The following CDK6 variants were observed in gnomAD, a reference collection of about 807,000 sequenced individuals.
CDK6 encodes the protein cyclin-dependent kinase 6.
CDK6 carries 6 observed loss-of-function variants against 37.1 expected under a neutral mutation model. That is an observed-to-expected ratio of 0.16 (90% CI 0.09 to 0.32). CDK6 has a LOEUF of 0.32. Ranked by LOEUF, CDK6 falls within the 10% of genes least tolerant of loss-of-function variation. CDK6 has a pLI of 1.00. For missense variants in CDK6, 224 were observed against 418.9 expected (o/e 0.53, Z 4.06); for synonymous variants, 160 against 161.3 (o/e 0.99, Z 0.06).
At chr7:92,773,442 G>GT (rs1272012067) in intron 3 of CDK6, among the ~76,000 whole-genome samples, 1 of 152,176 alleles carries the variant, frequency 6.6e-6, no homozygotes, top group Non-Finnish European at 1.5e-5. Context: ...CTAGAAAACT[G>GT]TATAAGAAAA....
intron 6 of CDK6, among the ~76,000 whole-genome samples, chr7:92,618,486 A>G (rs1795730434): frequency 6.6e-6 from 1 of 152,228 alleles, no homozygotes; most frequent in South Asian, 2.1e-4. Flanking sequence ...GATGATGTAG[A>G]AATAGAAAAT....
At chr7:92,675,237 T>C (rs1278420434) in intron 4 of CDK6, among the ~76,000 whole-genome samples, 2 of 152,218 alleles carry the variant, frequency 1.3e-5, no homozygotes, top group Admixed American at 1.3e-4. Context: ...GATAAATAAA[T>C]GTATAGACAG....
intron 4 of CDK6, among the ~76,000 whole-genome samples, chr7:92,700,175 C>T (rs555553112): frequency 2.0e-5 from 3 of 152,160 alleles, no homozygotes; most frequent in South Asian, 2.1e-4. Flanking sequence ...ACTGCATGGA[C>T]CAGATAACAG....
In CDK6 at chr7:92,667,789, C is replaced by A. The variant is rs146550149; in HGVS notation, c.647+3637G>T. On this transcript the variant is annotated intron_variant, in intron 5 of 7. Coordinates refer to ENST00000424848, the MANE Select transcript of CDK6 (RefSeq NM_001145306.2). ...CTGGTCTCGAACTCCAGAGCTCAAG[C>A]AATCCACCTGCTTCAGCCTCCCAAA... 1.9e-3 allele frequency among the ~76,000 whole-genome samples: 283 copies of A among 152,224 alleles called. 3 individuals are homozygous for A. The highest frequency in any genetic ancestry group is 6.5e-3 in the African/African-American group (271 of 41,554).
At chr7:92,748,841 T>C (rs1213578153) in intron 3 of CDK6, among the ~76,000 whole-genome samples, 1 of 152,042 alleles carries the variant, frequency 6.6e-6, no homozygotes, top group Admixed American at 6.6e-5. Context: ...CATCCACACC[T>C]ATAGAATTAA....
In CDK6 at chr7:92,763,950, T is replaced by G. The variant is rs140747454; in HGVS notation, c.369+10746A>C. 4.7e-3 allele frequency among the ~76,000 whole-genome samples: 713 copies of G among 152,266 alleles called. 5 individuals are homozygous for G. Among genetic ancestry groups the G allele is most frequent in the African/African-American group, 0.016 (663 of 41,536 alleles). ...CATTTTAAGTGAGCACCCCAGGTGG[T>G]TGATTCACTGACCACACTTGGAGAA... On this transcript the variant is annotated intron_variant, in intron 3 of 7. Coordinates refer to ENST00000424848, the MANE Select transcript of CDK6 (RefSeq NM_001145306.2).
chr7:92,710,277 T>C (rs1798060844), intron 4 of CDK6, among the ~76,000 whole-genome samples: 1 of 152,198 alleles, frequency 6.6e-6, no homozygotes, highest in African/African-American at 2.4e-5. Context: ...AAAGAGCTTT[T>C]GGAAAAGATT....
chr7:92,744,196 T>C (rs1473520920), intron 3 of CDK6, among the ~76,000 whole-genome samples: 1 of 152,118 alleles, frequency 6.6e-6, no homozygotes, highest in Non-Finnish European at 1.5e-5. Context: ...TATCAGAGAC[T>C]GGGTAACTTA....
At chr7:92,701,105 T>C (rs980699800) in intron 4 of CDK6, among the ~76,000 whole-genome samples, 3 of 152,092 alleles carry the variant, frequency 2.0e-5, no homozygotes, top group African/African-American at 4.8e-5. Context: ...CTTTGGAAAA[T>C]AGTGGGTACA....
intron 2 of CDK6, among the ~76,000 whole-genome samples, chr7:92,783,398 G>A (rs549317603): frequency 6.6e-6 from 1 of 152,296 alleles, no homozygotes; most frequent in Admixed American, 6.5e-5. Context: ...CAACTCTAAA[G>A]CACAGAAATC....
At chr7:92,661,292 C>G (rs560571797) in intron 5 of CDK6, among the ~76,000 whole-genome samples, 1 of 152,212 alleles carries the variant, frequency 6.6e-6, no homozygotes, top group South Asian at 2.1e-4. Context: ...CAACAGTGCC[C>G]CTTATAAAGT....
chr7:92,808,659 A>G (rs1192233290), intron 2 of CDK6, among the ~76,000 whole-genome samples: 4 of 152,196 alleles, frequency 2.6e-5, no homozygotes, highest in Admixed American at 6.5e-5. Context: ...GCCCTTCTGA[A>G]AATTGTATGC....
chr7:92,780,164 G>A (rs1799950942), intron 2 of CDK6, among the ~76,000 whole-genome samples: 1 of 152,044 alleles, frequency 6.6e-6, no homozygotes, highest in Non-Finnish European at 1.5e-5. Flanking sequence ...GTAAGGATGG[G>A]TTTCACCATG....
At chr7:92,665,022 T>TG (rs1005504735) in intron 5 of CDK6, among the ~76,000 whole-genome samples, 2 of 152,154 alleles carry the variant, frequency 1.3e-5, no homozygotes, top group Non-Finnish European at 2.9e-5. Context: ...CCTGACCTCG[T>TG]GATCCACCCA....
chr7:92,654,337 A>G (rs907394516), intron 5 of CDK6, among the ~76,000 whole-genome samples: 4 of 147,258 alleles, frequency 2.7e-5, no homozygotes, highest in Non-Finnish European at 6.0e-5. Context: ...GTGTTACTTT[A>G]CCCTATCTAG....
intron 5 of CDK6, among the ~76,000 whole-genome samples, chr7:92,663,919 C>T (rs917188175): frequency 1.3e-5 from 2 of 151,872 alleles, no homozygotes; most frequent in Non-Finnish European, 1.5e-5. Context: ...TTTGGGAGGC[C>T]GAGGCGGGCG....
intron 4 of CDK6, among the ~76,000 whole-genome samples, chr7:92,718,475 C>T (rs1798284520): frequency 6.6e-6 from 1 of 152,184 alleles, no homozygotes; most frequent in Non-Finnish European, 1.5e-5. Context: ...GAAGAGGAAA[C>T]AAGCATAAAC....
chr7:92,785,420 G>C (rs1334285135), intron 2 of CDK6, among the ~76,000 whole-genome samples: 1 of 152,308 alleles, frequency 6.6e-6, no homozygotes, highest in East Asian at 1.9e-4. Flanking sequence ...CTGATAATGT[G>C]TACTGGGTTT....
rs148024607 is a variant in CDK6 at position 92,751,568 on chromosome 7, T to G, written c.369+23128A>C. On this transcript the variant is annotated intron_variant, in intron 3 of 7. Coordinates refer to ENST00000424848, the MANE Select transcript of CDK6 (RefSeq NM_001145306.2). ...TGAGGAAACAGCATAAAAACTGTTA[T>G]CACATACGCAGTTTTATTAACTTTT... is the stretch of plus-strand genomic sequence containing the variant. Among the ~76,000 whole-genome samples, 447 of 152,332 alleles carry G rather than the reference T, an allele frequency of 2.9e-3. 8 individuals are homozygous for G. The highest frequency in any genetic ancestry group is 9.6e-3 in the African/African-American group (398 of 41,588).
Sources: allele counts gnomAD v4.1 joint callset (sites outside exome capture counted in the v4.1 genomes callset), GRCh38; gene constraint gnomAD v4.1.1; transcripts MANE v1.5; gene names NCBI Gene and HGNC (gene_info 2026-07-23, HGNC 2026-07-21).